Variants in STARD8 observed in about 807,000 individuals in gnomAD.
STARD8 encodes stAR-related lipid transfer protein 8.
A neutral mutation model predicts 69.4 loss-of-function variants in STARD8; 25 were observed. That is an observed-to-expected ratio of 0.36 (90% CI 0.26 to 0.50). STARD8 has a LOEUF of 0.50. STARD8 is among the 20% of genes least tolerant of loss of function. The probability of loss-of-function intolerance (pLI) is 0.96; values close to 1 mark genes in which losing one functional copy is unlikely to be tolerated. For missense variants in STARD8, 921 were observed against 932.5 expected (o/e 0.99, Z 0.16); for synonymous variants, 389 against 374.6 (o/e 1.04, Z -0.45).
intron 2 of STARD8, among the ~76,000 whole-genome samples, chrX:68,672,725 A>AT (rs2147886711): frequency 9.3e-6 from 1 of 107,448 alleles, no homozygotes; most frequent in African/African-American, 3.6e-5. Flanking sequence ...CCCACCCCCC[A>AT]TGGCAGGGCA....
At position 68,653,922 on chromosome X, in the gene STARD8, T is replaced by A. The variant is rs748119161; in HGVS notation, c.45+5995T>A. Among the ~76,000 whole-genome samples the A allele has an allele frequency of 1.2e-3, 130 of 112,123 alleles. 1 individual carries two copies. Among genetic ancestry groups the A allele is most frequent in the Non-Finnish European group, 2.1e-3 (114 of 53,158 alleles). ...GAACACAAATCCTCCCTCATGTTAC[T>A]CCGCTTCAGGTGGGCATATCAGGTC... On this transcript the variant is annotated intron_variant, in intron 1 of 14. Transcript: ENST00000374599.
At position 68,724,889 on chromosome X, in the gene STARD8, C is replaced by T. The variant is rs1337346891; in HGVS notation, c.*467C>T. On this transcript the variant is annotated 3_prime_UTR_variant, in exon 15 of 15. Coordinates refer to ENST00000374599, the MANE Select transcript of STARD8 (RefSeq NM_001142503.3). ...GTTCTGGTCCTGCCTTTGGGGCCAA[C>T]GCTGGCTCTGAAGTGTCTTTTTCAG... 2 of 116,427 alleles carry T rather than the reference C, an allele frequency of 1.7e-5. No individual in the cohort carries two copies. Among genetic ancestry groups the T allele is most frequent in the Admixed American group, 9.2e-5 (1 of 10,887 alleles). 9.6% of individuals were successfully genotyped at this position (116,427 alleles called of 1,213,427 possible).
At chrX:68,668,620 G>A (rs1462033932) in intron 2 of STARD8, among the ~76,000 whole-genome samples, 1 of 111,199 alleles carries the variant, frequency 9.0e-6, no homozygotes, top group African/African-American at 3.3e-5. Context: ...CCACCTTATA[G>A]GAGAGCATTA....
chrX:68,719,959 C>T (rs2080132625), intron 7 of STARD8, among the ~76,000 whole-genome samples: 1 of 112,585 alleles, frequency 8.9e-6, no homozygotes, highest in Non-Finnish European at 1.9e-5. Context: ...TCTCCGAAGC[C>T]TTCCCTAACT....
chrX:68,674,025 G>C lies in STARD8; in HGVS notation c.79+8493G>C, dbSNP rs1021009440. Among the ~76,000 whole-genome samples, 13 of 111,685 alleles carry C rather than the reference G, an allele frequency of 1.2e-4. No individual in the cohort carries two copies. The Admixed American group carries it at 1.2e-3, about 11-fold the overall frequency. ...TTCACATGAATTACCTGGGCATGAT[G>C]GCTCACACCTGTAATCCCAGCACTT... is the stretch of plus-strand genomic sequence containing the variant. On this transcript the variant is annotated intron_variant, in intron 2 of 14. Transcript: ENST00000374599.
intron 2 of STARD8, among the ~76,000 whole-genome samples, chrX:68,673,388 A>G (rs757361669): frequency 2.3e-4 from 26 of 112,184 alleles, no homozygotes; most frequent in Non-Finnish European, 3.6e-4. Context: ...TCAGTCCCCA[A>G]ATATCTCCCA....
intron 2 of STARD8, among the ~76,000 whole-genome samples, chrX:68,685,298 T>C (rs1230020800): frequency 8.9e-6 from 1 of 111,949 alleles, no homozygotes; most frequent in South Asian, 3.8e-4. Flanking sequence ...TCACCCAGGT[T>C]ATGCCACAGT....
At chrX:68,673,444 G>T (rs2022877705) in intron 2 of STARD8, among the ~76,000 whole-genome samples, 2 of 111,699 alleles carry the variant, frequency 1.8e-5, no homozygotes, top group South Asian at 7.5e-4. Context: ...AAGTTTGCCT[G>T]GCTTTTTCCT....
At chrX:68,668,028 A>G (rs1163770600) in intron 2 of STARD8, among the ~76,000 whole-genome samples, 2 of 110,067 alleles carry the variant, frequency 1.8e-5, no homozygotes, top group African/African-American at 6.6e-5. Context: ...ACAGTTGTAT[A>G]TAATAATTTC....
rs1197577492 is a variant in STARD8, at chrX:68,722,066, C to T, written c.2479C>T (p.Leu827Phe). ...ATCTAGGATCAAGAGCAAACGCAGC[C>T]TCATTGGCAGGCCAGGCCCTAGGGA... ...PSPRIKSKRS[L>F]IGRPGPRDLS... The change falls in exon 11 of 15, where the codon CTC becomes TTC. Residue 827 changes from leucine to phenylalanine, a missense_variant. Transcript: ENST00000374599. 1 of 1,201,572 alleles carries T rather than the reference C, an allele frequency of 8.3e-7. No homozygotes were observed. Among genetic ancestry groups the T allele is most frequent in the African/African-American group, 1.8e-5 (1 of 56,998 alleles).
rs1174838952 is a variant in STARD8, at chrX:68,685,678, C to T, written c.79+20146C>T. Among the ~76,000 whole-genome samples, 3 of 112,735 alleles carry T rather than the reference C, an allele frequency of 2.7e-5. 1 individual carries two copies. The highest frequency in any genetic ancestry group is 5.6e-5 in the Non-Finnish European group (3 of 53,368). On this transcript the variant is annotated intron_variant, in intron 2 of 14. Transcript: ENST00000374599. ...AGTCCTGCAACATAGAGATAACTGC[C>T]CCGGCCTAGATGATGGCCAAGTCAT...
intron 1 of STARD8, among the ~76,000 whole-genome samples, chrX:68,651,149 C>T (rs1337945710): frequency 1.8e-5 from 2 of 112,630 alleles, no homozygotes; most frequent in African/African-American, 3.2e-5. Flanking sequence ...CACACAGGCA[C>T]ATCAGATACA....
chrX:68,719,510 G>T (rs2080129055), intron 7 of STARD8, 112 bp downstream of exon 7: 1 of 881,801 alleles, frequency 1.1e-6, no homozygotes, highest in Non-Finnish European at 1.5e-6. Context: ...CAGGCCAGGG[G>T]AGCGGTGAGA....
At chrX:68,675,273 T>A (rs1034045426) in intron 2 of STARD8, among the ~76,000 whole-genome samples, 1 of 111,321 alleles carries the variant, frequency 9.0e-6, no homozygotes, top group Non-Finnish European at 1.9e-5. Flanking sequence ...TTTGTATTTT[T>A]AGTAGAGACA....
intron 2 of STARD8, among the ~76,000 whole-genome samples, chrX:68,686,476 G>A (rs1210058580): frequency 8.9e-6 from 1 of 112,527 alleles, no homozygotes; most frequent in Non-Finnish European, 1.9e-5. Context: ...CCGGCGTTGC[G>A]GTTCCCGAAG....
In STARD8 at chrX:68,725,420, G is replaced by A. The variant is rs2080191578; in HGVS notation, c.*998G>A. On this transcript the variant is annotated 3_prime_UTR_variant, in exon 15 of 15. Transcript: ENST00000374599. Reference sequence around the variant, plus strand: ...ACTGGCCAGCCATCTTTGCTCACATGGAAATTCAAATGCCATTCAAAGGCC... The same window carrying A: ...ACTGGCCAGCCATCTTTGCTCACATAGAAATTCAAATGCCATTCAAAGGCC... The A allele has an allele frequency of 9.1e-6, 1 of 110,266 alleles. No individual in the cohort carries two copies. The highest frequency in any genetic ancestry group is 1.9e-5 in the Non-Finnish European group (1 of 52,781). 9.1% of individuals were successfully genotyped at this position (110,266 alleles called of 1,213,427 possible). A position where few individuals can be genotyped will look rare whatever the true frequency, so the allele number is the denominator to read the frequency against.
chrX:68,675,413 A>G (rs992608325), intron 2 of STARD8, among the ~76,000 whole-genome samples: 2 of 111,303 alleles, frequency 1.8e-5, no homozygotes, highest in African/African-American at 6.5e-5. Flanking sequence ...TCAGTTTTAA[A>G]ATAAGAATCC....
In STARD8 at chrX:68,718,410, A is replaced by T; in HGVS notation, c.1496A>T (p.Gln499Leu). ...CCGGCCCCAGCCCAGGACAGTGAGC[A>T]GGAGGCACATTCAGGCGGGGAACCC... is the stretch of plus-strand genomic sequence containing the variant. ...PAPAPAQDSE[Q>L]EAHSGGEPTF... The change falls in exon 6 of 15, where the codon CAG becomes CTG. Residue 499 changes from glutamine to leucine, a missense_variant. Coordinates refer to ENST00000374599, the MANE Select transcript of STARD8 (RefSeq NM_001142503.3). 8.3e-7 allele frequency: 1 copy of T among 1,210,575 alleles called. No individual in the cohort carries two copies. Among genetic ancestry groups the T allele is most frequent in the Non-Finnish European group, 1.1e-6 (1 of 894,874 alleles).
intron 1 of STARD8, among the ~76,000 whole-genome samples, chrX:68,648,352 T>C (rs948378624): frequency 6.2e-5 from 7 of 112,137 alleles, no homozygotes; most frequent in Admixed American, 1.9e-4. Flanking sequence ...CCTAGCAGGA[T>C]GCCTGGTGTG....
Sources: gnomAD v4.1 joint callset for allele counts (sites outside exome capture counted in the v4.1 genomes callset) on GRCh38, gnomAD v4.1.1 for gene constraint, MANE v1.5 for transcripts, NCBI Gene and HGNC (gene_info 2026-07-23, HGNC 2026-07-21) for gene names.